Variants in PDE1C observed in about 807,000 individuals in gnomAD.
PDE1C encodes the protein phosphodiesterase 1C, also known as dual specificity calcium/calmodulin-dependent 3',5'-cyclic nucleotide phosphodiesterase 1C.
A neutral mutation model predicts 93.1 loss-of-function variants in PDE1C; 62 were observed. The observed-to-expected ratio is 0.67, with a 90% confidence interval of 0.54 to 0.82. The LOEUF (loss-of-function observed/expected upper bound fraction) is 0.82. PDE1C is among the 40% of genes least tolerant of loss of function. PDE1C has a pLI of 0.00. For synonymous variants in PDE1C, 325 were observed against 310.1 expected, an observed-to-expected ratio of 1.05 and a Z score of -0.50; for missense variants, 742 against 884.6, an observed-to-expected ratio of 0.84 and a Z score of 2.04.
At chr7:31,957,526 C>T (rs1337181627) in intron 2 of PDE1C, among the ~76,000 whole-genome samples, 3 of 152,172 alleles carry the variant, frequency 2.0e-5, no homozygotes, top group Non-Finnish European at 2.9e-5. Flanking sequence ...TAGGAAGTGA[C>T]TCAGCATTTG....
intron 1 of PDE1C, among the ~76,000 whole-genome samples, chr7:32,255,560 A>G (rs1585036468): frequency 6.6e-6 from 1 of 152,318 alleles, no homozygotes; most frequent in African/African-American, 2.4e-5. Flanking sequence ...ACTACGATGC[A>G]CTGCACTAAG....
At chr7:31,837,138 T>C (rs200636949) in intron 11 of PDE1C, 42 bp downstream of exon 11, 20 of 1,588,664 alleles carry the variant, frequency 1.3e-5, no homozygotes, top group Non-Finnish European at 1.7e-5. Context: ...TCATAAAATA[T>C]CCAATGATGA....
At chr7:31,801,860 G>A (rs1786092477) in intron 16 of PDE1C, among the ~76,000 whole-genome samples, 3 of 151,272 alleles carry the variant, frequency 2.0e-5, no homozygotes, top group African/African-American at 7.3e-5. Context: ...CTTTTGTGCT[G>A]TTTGTGTCCT....
chr7:32,318,573 G>A lies in PDE1C; in HGVS notation c.311-109034C>T, dbSNP rs143097648. Among the ~76,000 whole-genome samples, 613 of 152,292 alleles carry A rather than the reference G, an allele frequency of 4.0e-3. 4 individuals carry two copies. The highest frequency in any genetic ancestry group is 0.013 in the African/African-American group (541 of 41,570). The stretch of plus-strand genomic sequence containing the variant: ...CAGGGACCCAGAAGAAGTGAAAGGG[G>A]ACCTGCGAGCGGGGAGTTTTCTGAA... On this transcript the variant is annotated intron_variant, in intron 1 of 1. Transcript: ENST00000672256.
At chr7:31,944,449 G>T (rs193144407) in intron 2 of PDE1C, among the ~76,000 whole-genome samples, 222 of 152,266 alleles carry the variant, frequency 1.5e-3, no homozygotes, top group Admixed American at 3.6e-3. Flanking sequence ...AGGTGAGAGG[G>T]ATGATCGGTT....
the PDE1C span, among the ~76,000 whole-genome samples, chr7:31,683,106 T>A: frequency 3.3e-5 from 5 of 152,186 alleles, no homozygotes; most frequent in Non-Finnish European, 4.4e-5. Flanking sequence ...GATAAAATTG[T>A]ATAGAACTCA....
the PDE1C span, among the ~76,000 whole-genome samples, chr7:31,723,276 G>A: frequency 6.6e-6 from 1 of 152,164 alleles, no homozygotes. Flanking sequence ...TTGGTTGGTT[G>A]GTTTGTCCTC....
intron 2 of PDE1C, among the ~76,000 whole-genome samples, chr7:31,996,279 C>T (rs1196627934): frequency 1.3e-5 from 2 of 152,046 alleles, no homozygotes; most frequent in Non-Finnish European, 2.9e-5. Context: ...CATACCCCTC[C>T]AGCCCAGCCC....
chr7:32,015,176 TGTCA>T (rs1245174597), intron 2 of PDE1C, among the ~76,000 whole-genome samples: 1 of 152,152 alleles, frequency 6.6e-6, no homozygotes, highest in Non-Finnish European at 1.5e-5. Context: ...CATGCTGAAC[TGTCA>T]GTCAATTAAA....
At chr7:31,836,801 T>C (rs1791172589) in intron 11 of PDE1C, among the ~76,000 whole-genome samples, 1 of 151,998 alleles carries the variant, frequency 6.6e-6, no homozygotes, top group Non-Finnish European at 1.5e-5. Flanking sequence ...CCCAACCAAT[T>C]ATAATAGAGA....
intron 1 of PDE1C, among the ~76,000 whole-genome samples, chr7:32,292,521 T>G (rs1314967899): frequency 6.6e-6 from 1 of 152,234 alleles, no homozygotes; most frequent in Admixed American, 6.5e-5. Flanking sequence ...GTGTTCTAGT[T>G]GCACTATCCC....
chr7:32,389,378 G>C (rs568388069), intron 1 of PDE1C, among the ~76,000 whole-genome samples: 4 of 152,058 alleles, frequency 2.6e-5, no homozygotes, highest in Non-Finnish European at 4.4e-5. Flanking sequence ...CACCACGCTC[G>C]ACTAATTTTT....
rs1381732048 is a variant in PDE1C, at chr7:31,899,187, G to C, written c.129-18327C>G. On this transcript the variant is annotated intron_variant, in intron 2 of 17. Transcript: ENST00000396191. ...GGAGTCTTGCTCTGTCGCCCAGGCT[G>C]CAGTGCAGTGGCGCACTCTTGGCTC... 2.9e-5 allele frequency among the ~76,000 whole-genome samples: 4 copies of C among 139,790 alleles called. No individual in the cohort carries two copies. In the Admixed American group the frequency reaches 3.2e-4, roughly 11 times the overall value. 91.7% of individuals were successfully genotyped at this position (139,790 alleles called of 152,430 possible).
At chr7:32,108,230 C>CA (rs71559210) in intron 3 of PDE1C, among the ~76,000 whole-genome samples, 2,470 of 77,044 alleles carry the variant, frequency 0.032, 160 homozygotes, top group African/African-American at 0.096. Flanking sequence ...AAAAGCAAGA[C>CA]AAAAAAAAAA....
At chr7:32,004,850 A>C (rs943323378) in intron 2 of PDE1C, among the ~76,000 whole-genome samples, 1 of 152,222 alleles carries the variant, frequency 6.6e-6, no homozygotes, top group African/African-American at 2.4e-5. Flanking sequence ...CTTAATACTA[A>C]ATTATTGAGA....
At chr7:31,996,847 A>G (rs1433397827) in intron 2 of PDE1C, among the ~76,000 whole-genome samples, 1 of 152,254 alleles carries the variant, frequency 6.6e-6, no homozygotes, top group Non-Finnish European at 1.5e-5. Flanking sequence ...AAAGACAGCA[A>G]TAAGAAATTC....
rs141773743 is a variant in PDE1C at position 32,244,873 on chromosome 7, C to T, written c.86-35334G>A. On this transcript the variant is annotated intron_variant, in intron 1 of 18. Transcript: ENST00000396193. ...GGTGTCATGAGCCACCAGAGCCTGCCCAGCTGCCCACTAAACAGTTGGTGA... is the reference window on the plus strand; with the variant it reads ...GGTGTCATGAGCCACCAGAGCCTGCTCAGCTGCCCACTAAACAGTTGGTGA... 1.2e-3 allele frequency among the ~76,000 whole-genome samples: 180 copies of T among 152,312 alleles called. 1 individual carries two copies. Among genetic ancestry groups the T allele is most frequent in the Middle Eastern group, 3.4e-3 (1 of 294 alleles).
chr7:32,071,298 G>T (rs995324443), upstream of PDE1C: 2 of 985,356 alleles, frequency 2.0e-6, no homozygotes, highest in African/African-American at 3.5e-5. Flanking sequence ...GAGGCTTCGC[G>T]GAGGTTGGGC....
At chr7:32,418,392 C>T (rs1222698146) in intron 1 of PDE1C, among the ~76,000 whole-genome samples, 1 of 152,138 alleles carries the variant, frequency 6.6e-6, no homozygotes, top group Admixed American at 6.5e-5. Context: ...ATAACAATGG[C>T]ACTTACCTCT....
Sources: gnomAD v4.1 joint callset for allele counts (sites outside exome capture counted in the v4.1 genomes callset) on GRCh38, gnomAD v4.1.1 for gene constraint, MANE v1.5 for transcripts, NCBI Gene and HGNC (gene_info 2026-07-23, HGNC 2026-07-21) for gene names.